Variants in ZBTB20 observed in about 807,000 individuals in gnomAD.
The protein encoded by ZBTB20 is zinc finger and BTB domain containing 20, also known as zinc finger and BTB domain-containing protein 20.
In ZBTB20, 9 loss-of-function variants were observed where a neutral mutation model predicts 56.9. The ratio of observed to expected loss-of-function variants is 0.16; its 90% CI spans 0.10 to 0.28. ZBTB20 has a LOEUF of 0.28. Among genes scored for constraint, ZBTB20 ranks in the 10% least tolerant of loss-of-function variants. The pLI, the probability that ZBTB20 is intolerant of heterozygous loss-of-function variation, is 1.00. For synonymous variants in ZBTB20, 417 were observed against 420.7 expected, an observed-to-expected ratio of 0.99 and a Z score of 0.11; for missense variants, 655 against 1,003.0, an observed-to-expected ratio of 0.65 and a Z score of 4.69.
chr3:114,530,030 C>G (rs1290486484), intron 6 of ZBTB20, among the ~76,000 whole-genome samples: 2 of 152,190 alleles, frequency 1.3e-5, no homozygotes, highest in Non-Finnish European at 2.9e-5. Context: ...TATAAGATAA[C>G]TGAAAAATTC....
At chr3:114,910,586 AT>A (rs1324533878) in intron 3 of ZBTB20, among the ~76,000 whole-genome samples, 1 of 152,080 alleles carries the variant, frequency 6.6e-6, no homozygotes, top group Non-Finnish European at 1.5e-5. Context: ...GCTATTATTT[AT>A]TTAGCTACTA....
chr3:114,656,959 T>A (rs978985241), intron 6 of ZBTB20, among the ~76,000 whole-genome samples: 5 of 152,230 alleles, frequency 3.3e-5, no homozygotes, highest in Admixed American at 6.5e-5. Context: ...CATATTTTTT[T>A]AAAATCCTGA....
At chr3:114,735,890 C>G (rs921335966) in intron 5 of ZBTB20, among the ~76,000 whole-genome samples, 1 of 152,010 alleles carries the variant, frequency 6.6e-6, no homozygotes, top group African/African-American at 2.4e-5. Flanking sequence ...ACTAGCAAAC[C>G]TGGGGAAAGA....
chr3:114,992,506 G>A (rs16823443), intron 2 of ZBTB20, among the ~76,000 whole-genome samples: 19,742 of 151,786 alleles, frequency 0.13, 1,944 homozygotes, highest in East Asian at 0.59. Flanking sequence ...GAAATCTCTG[G>A]GTGTCAGACA....
chr3:115,012,836 A>C (rs2079780186), intron 2 of ZBTB20, among the ~76,000 whole-genome samples: 1 of 151,830 alleles, frequency 6.6e-6, no homozygotes, highest in Admixed American at 6.6e-5. Context: ...AAGTCTTAAG[A>C]CATTCAAAAA....
intron 6 of ZBTB20, among the ~76,000 whole-genome samples, chr3:114,553,918 C>A (rs1369144141): frequency 2.0e-5 from 3 of 152,100 alleles, no homozygotes; most frequent in Non-Finnish European, 4.4e-5. Context: ...CCCTAAAAAT[C>A]TCCTACATAA....
chr3:114,629,847 A>C (rs2058843455), intron 6 of ZBTB20, among the ~76,000 whole-genome samples: 1 of 152,238 alleles, frequency 6.6e-6, no homozygotes, highest in Non-Finnish European at 1.5e-5. Context: ...GAAGTAAAGA[A>C]TACTTTAAAG....
chr3:114,669,567 T>C (rs1012186649), intron 6 of ZBTB20, among the ~76,000 whole-genome samples: 1 of 151,780 alleles, frequency 6.6e-6, no homozygotes, highest in Non-Finnish European at 1.5e-5. Flanking sequence ...TCATCGACTA[T>C]GCAACATTAT....
intron 2 of ZBTB20, among the ~76,000 whole-genome samples, chr3:115,054,321 C>T (rs1039977527): frequency 6.6e-6 from 1 of 152,112 alleles, no homozygotes; most frequent in Non-Finnish European, 1.5e-5. Context: ...AACCAATAGT[C>T]ATCCAGTTTA....
intron 6 of ZBTB20, among the ~76,000 whole-genome samples, chr3:114,559,656 C>T (rs2051747387): frequency 6.6e-6 from 1 of 152,130 alleles, no homozygotes; most frequent in Admixed American, 6.5e-5. Flanking sequence ...TATTCTTAAC[C>T]TCCCTAGGTA....
intron 5 of ZBTB20, among the ~76,000 whole-genome samples, chr3:114,789,204 GTGTT>G (rs2070766822): frequency 6.6e-6 from 1 of 152,140 alleles, no homozygotes; most frequent in Non-Finnish European, 1.5e-5. Context: ...CTTAACATAT[GTGTT>G]TGTATGCATG....
intron 6 of ZBTB20, among the ~76,000 whole-genome samples, chr3:114,693,030 A>G (rs544655594): frequency 1.7e-4 from 26 of 152,276 alleles, no homozygotes; most frequent in African/African-American, 6.0e-4. Context: ...AATTTACAGA[A>G]TACCATAGAA....
At chr3:115,120,798 A>C (rs1486883688) in intron 1 of ZBTB20, among the ~76,000 whole-genome samples, 1 of 152,086 alleles carries the variant, frequency 6.6e-6, no homozygotes, top group Non-Finnish European at 1.5e-5. Context: ...GGCACCATAG[A>C]ACATGTTTGA....
chr3:114,440,121 C>T lies in ZBTB20; in HGVS notation c.-254-51016G>A, dbSNP rs1200138206. ...TTTTTTTTTTTAAAAAGTGACTGAC[C>T]TTCACAATGGATGCACACATAAAAC... is the stretch of plus-strand genomic sequence containing the variant. On this transcript the variant is annotated intron_variant, in intron 7 of 11. Coordinates refer to ENST00000675478, the MANE Select transcript of ZBTB20 (RefSeq NM_001348800.3). Among the ~76,000 whole-genome samples the T allele has an allele frequency of 2.0e-5, 3 of 151,616 alleles. No homozygotes were observed. The East Asian group carries it at 5.8e-4, about 29-fold the overall frequency.
At chr3:114,884,604 A>C (rs942167168) in intron 4 of ZBTB20, among the ~76,000 whole-genome samples, 1 of 152,216 alleles carries the variant, frequency 6.6e-6, no homozygotes, top group African/African-American at 2.4e-5. Context: ...GCTATGAATA[A>C]AACATTTTGA....
rs181621846 is a variant in ZBTB20, at chr3:115,096,217, T to G, written c.-702-24803A>C. On this transcript the variant is annotated intron_variant, in intron 1 of 11. Transcript: ENST00000675478. ...AGGTACACACCTGTCCGATTGCTAG[T>G]GTTTATTGTCCTTGATGGAGGGTAA... Among the ~76,000 whole-genome samples the G allele has an allele frequency of 1.6e-3, 242 of 152,338 alleles. 2 individuals carry two copies. Among genetic ancestry groups the G allele is most frequent in the African/African-American group, 5.5e-3 (228 of 41,572 alleles).
intron 3 of ZBTB20, among the ~76,000 whole-genome samples, chr3:114,912,121 G>T (rs1458035538): frequency 7.5e-5 from 5 of 66,742 alleles, no homozygotes; most frequent in Admixed American, 2.4e-4. Flanking sequence ...TAGATTCAAA[G>T]TGCTAAAAGA....
chr3:114,844,860 C>T (rs76840668), intron 4 of ZBTB20, among the ~76,000 whole-genome samples: 20 of 130,390 alleles, frequency 1.5e-4, no homozygotes, highest in Non-Finnish European at 2.4e-4. Context: ...TTTTCTTTTT[C>T]TTTTTTTTTT....
chr3:115,093,756 A>G (rs1361900309), intron 1 of ZBTB20, among the ~76,000 whole-genome samples: 1 of 152,130 alleles, frequency 6.6e-6, no homozygotes, highest in African/African-American at 2.4e-5. Flanking sequence ...AAAGGGCAAA[A>G]GGTATGAAGG....
Sources: allele counts gnomAD v4.1 joint callset (sites outside exome capture counted in the v4.1 genomes callset), GRCh38; gene constraint gnomAD v4.1.1; transcripts MANE v1.5; gene names NCBI Gene and HGNC (gene_info 2026-07-23, HGNC 2026-07-21).